Variants in KIAA1549L observed in about 807,000 individuals in gnomAD.
The protein encoded by KIAA1549L is UPF0606 protein KIAA1549L.
In KIAA1549L, 88 loss-of-function variants were observed where a neutral mutation model predicts 160.7. The observed-to-expected ratio is 0.55, with a 90% CI of 0.46 to 0.65. The LOEUF is 0.65. KIAA1549L is among the 30% of genes least tolerant of loss of function. The pLI, the probability that KIAA1549L is intolerant of heterozygous loss-of-function variation, is 0.00. For synonymous variants in KIAA1549L, 950 were observed against 976.7 expected, an observed-to-expected ratio of 0.97 and a Z score of 0.51; for missense variants, 2,258 against 2,437.5, an observed-to-expected ratio of 0.93 and a Z score of 1.55.
chr11:33,641,470 C>G lies in KIAA1549L; in HGVS notation c.5410-4216C>G, dbSNP rs538691414. 1.3e-3 allele frequency among the ~76,000 whole-genome samples: 196 copies of G among 150,888 alleles called. 2 individuals carry two copies. Among genetic ancestry groups the G allele is most frequent in the African/African-American group, 4.4e-3 (182 of 41,294 alleles). On this transcript the variant is annotated intron_variant, in intron 16 of 20. Transcript: ENST00000658780. ...TGATGCTTTTCATCCTTATAGTAAT[C>G]TATAAGGTAGATTATCTCAATAAGT...
chr11:33,486,082 A>G (rs867550033), intron 1 of KIAA1549L, among the ~76,000 whole-genome samples: 3 of 152,176 alleles, frequency 2.0e-5, no homozygotes, highest in Admixed American at 2.0e-4. Flanking sequence ...GGTAGTGAAC[A>G]TGGAAGTGCA....
chr11:33,583,328 T>C lies in KIAA1549L; in HGVS notation c.4403-10T>C. On this transcript the variant is annotated splice_polypyrimidine_tract_variant and intron_variant, in intron 10 of 20. Coordinates refer to ENST00000658780, the MANE Select transcript of KIAA1549L (RefSeq NM_012194.3). ...CTTGTCATGTCCCTCCTGCTGGCTC[T>C]TTCCCACAGCCGTGGTGAAGAACCC... 2 of 1,597,284 alleles carry C rather than the reference T, an allele frequency of 1.3e-6. No individual in the cohort carries two copies. The highest frequency in any genetic ancestry group is 1.3e-5 in the African/African-American group (1 of 74,792).
At position 33,455,818 on chromosome 11, in the gene KIAA1549L, A is replaced by G. The variant is rs527590122; in HGVS notation, c.238+78929A>G. On this transcript the variant is annotated intron_variant, in intron 1 of 20. Transcript: ENST00000658780. ...CTTATCTGTATTTTTTTTAGAGTTC[A>G]TTCTGCTAGATATATGTTGGAAATA... Among the ~76,000 whole-genome samples, 10 of 152,340 alleles carry G rather than the reference A, an allele frequency of 6.6e-5. No homozygotes were observed. The South Asian group carries it at 1.2e-3, about 19-fold the overall frequency.
intron 6 of KIAA1549L, among the ~76,000 whole-genome samples, chr11:33,558,865 GCT>G (rs1351681143): frequency 7.7e-6 from 1 of 129,616 alleles, no homozygotes. Context: ...GAAGAATCTT[GCT>G]CTGTCTCCCA....
intron 1 of KIAA1549L, among the ~76,000 whole-genome samples, chr11:33,492,993 A>G (rs879842139): frequency 2.1e-4 from 32 of 152,086 alleles, no homozygotes; most frequent in Admixed American, 3.9e-4. Context: ...TGCAGTTGTC[A>G]TGATTTCTAA....
chr11:33,467,319 G>T (rs1392737887), intron 1 of KIAA1549L, among the ~76,000 whole-genome samples: 2 of 152,104 alleles, frequency 1.3e-5, no homozygotes, highest in African/African-American at 2.4e-5. Flanking sequence ...CCATAATAAG[G>T]CATGTTGTGA....
chr11:33,462,377 G>A (rs2133001725), intron 1 of KIAA1549L, among the ~76,000 whole-genome samples: 1 of 152,204 alleles, frequency 6.6e-6, no homozygotes, highest in East Asian at 1.9e-4. Flanking sequence ...TGTTTTTGAA[G>A]GTTTCAACAA....
In KIAA1549L at chr11:33,660,975, T is replaced by C. The variant is rs1590459940; in HGVS notation, c.6120T>C (p.Tyr2040=). 2 of 1,612,072 alleles carry C rather than the reference T, an allele frequency of 1.2e-6. No homozygotes were observed. Among genetic ancestry groups the C allele is most frequent in the Non-Finnish European group, 1.7e-6 (2 of 1,179,102 alleles). Residue 2040 remains tyrosine (Y), a synonymous_variant, in exon 20 of 21, where the codon TAT becomes TAC. Coordinates refer to ENST00000658780, the MANE Select transcript of KIAA1549L (RefSeq NM_012194.3). ...SSYRNQAWMS[Y]AGENELPSQW... is the part of the protein sequence containing the mutation. The stretch of plus-strand genomic sequence containing the variant: ...ATAGGAACCAGGCCTGGATGTCCTA[T>C]GCAGGAGAGAATGAGCTCCCGAGCC...
In KIAA1549L at chr11:33,583,485, T is replaced by C. The variant is rs1489476600; in HGVS notation, c.4550T>C (p.Leu1517Pro). 2 of 1,577,170 alleles carry C rather than the reference T, an allele frequency of 1.3e-6. No homozygotes were observed. Among genetic ancestry groups the C allele is most frequent in the Non-Finnish European group, 1.7e-6 (2 of 1,161,514 alleles). Residue 1517 changes from leucine to proline, a missense_variant, in exon 11 of 21, where the codon CTG becomes CCG. Leu to Pro is a moderately conservative substitution (Grantham distance 98). Transcript: ENST00000658780. ...NDFKPDTMIN[L>P]PQRAKPVQGF... Reference sequence around the variant, plus strand: ...TTCAAGCCTGACACCATGATAAACCTGCCGCAGAGAGCAAAGGTATATGGA... The same window carrying C: ...TTCAAGCCTGACACCATGATAAACCCGCCGCAGAGAGCAAAGGTATATGGA...
At chr11:33,559,694 A>G in intron 6 of KIAA1549L, 55 bp from the exon 7 acceptor site, 1 of 1,529,154 alleles carries the variant, frequency 6.5e-7, no homozygotes, top group Non-Finnish European at 9.0e-7. Context: ...TCCATGAAAC[A>G]CACCCTGGTC....
Position 33,606,774 on chromosome 11 carries a change from C to T in KIAA1549L, c.5013C>T (p.Pro1671=), listed in dbSNP as rs368724641. 16 of 1,613,122 alleles carry T rather than the reference C, an allele frequency of 9.9e-6. No homozygotes were observed. Among genetic ancestry groups the T allele is most frequent in the Non-Finnish European group, 1.4e-5 (16 of 1,179,628 alleles). ...AACCCACAGCCCTCCCCATGGTGCC[C>T]CCCACCTCGGACAGGAGCCAGGAGT... ...AIKPTALPMV[P]PTSDRSQESS... The change falls in exon 14 of 21, where the codon CCC becomes CCT. Residue 1671 remains proline (P), a synonymous_variant. Transcript: ENST00000658780.
chr11:33,655,399 C>T (rs1253537573), intron 17 of KIAA1549L, among the ~76,000 whole-genome samples: 1 of 152,186 alleles, frequency 6.6e-6, no homozygotes, highest in Non-Finnish European at 1.5e-5. Flanking sequence ...TTCACACATA[C>T]GTCCTCACTC....
chr11:33,660,458 A>C (rs922690253), intron 19 of KIAA1549L, among the ~76,000 whole-genome samples: 1 of 152,182 alleles, frequency 6.6e-6, no homozygotes, highest in African/African-American at 2.4e-5. Flanking sequence ...CCAGTTACTC[A>C]GGAGGCTGAC....
chr11:33,478,546 C>A (rs902663501), intron 1 of KIAA1549L, among the ~76,000 whole-genome samples: 1 of 152,178 alleles, frequency 6.6e-6, no homozygotes, highest in African/African-American at 2.4e-5. Flanking sequence ...CATTTCTGTC[C>A]TTTTAAAGAG....
At chr11:33,474,764 A>G (rs1852249993) in intron 1 of KIAA1549L, among the ~76,000 whole-genome samples, 1 of 152,216 alleles carries the variant, frequency 6.6e-6, no homozygotes, top group Admixed American at 6.5e-5. Flanking sequence ...GGTACCCAAT[A>G]AACACCTGCC....
intron 1 of KIAA1549L, among the ~76,000 whole-genome samples, chr11:33,445,314 G>T (rs1470880351): frequency 6.6e-6 from 1 of 152,208 alleles, no homozygotes; most frequent in Non-Finnish European, 1.5e-5. Context: ...AGAGAAGTTG[G>T]ATAACAGCAG....
In KIAA1549L at chr11:33,530,428, AAAAAAAAAATATATATATATATATAT is replaced by A. The variant is rs1315670256; in HGVS notation, c.239-11372_239-11347del. On this transcript the variant is annotated intron_variant, in intron 1 of 20. Transcript: ENST00000658780. ...AGAAGAAGAAGGAAAAAAAAAAAAAAAAAAAAAAATATATATATATATATATATATATATATATATATATATATATA... is the reference window on the plus strand; with the variant it reads ...AGAAGAAGAAGGAAAAAAAAAAAAAAATATATATATATATATATATATATA... 4.7e-3 allele frequency among the ~76,000 whole-genome samples: 97 copies of A among 20,554 alleles called. 9 individuals carry two copies. The highest frequency in any genetic ancestry group is 9.1e-3 in the African/African-American group (66 of 7,262). 13.5% of individuals were successfully genotyped at this position (20,554 alleles called of 152,430 possible).
intron 6 of KIAA1549L, among the ~76,000 whole-genome samples, chr11:33,558,474 G>A (rs540449535): frequency 6.6e-6 from 1 of 152,124 alleles, no homozygotes; most frequent in South Asian, 2.1e-4. Context: ...AGCCCACTGG[G>A]GTTGTCCACA....
At chr11:33,380,171 G>A (rs1396974611) in intron 1 of KIAA1549L, among the ~76,000 whole-genome samples, 3 of 152,150 alleles carry the variant, frequency 2.0e-5, no homozygotes, top group Admixed American at 6.5e-5. Flanking sequence ...CTCCTCTGCC[G>A]GCTGAAGGGC....
Sources: allele counts gnomAD v4.1 joint callset (sites outside exome capture counted in the v4.1 genomes callset), GRCh38; gene constraint gnomAD v4.1.1; transcripts MANE v1.5; gene names NCBI Gene and HGNC (gene_info 2026-07-23, HGNC 2026-07-21).